Variants in KSR1 observed in about 807,000 individuals in gnomAD.
KSR1 encodes kinase suppressor of ras 1.
In KSR1, 35 loss-of-function variants were observed where a neutral mutation model predicts 92.9. That is an observed-to-expected ratio of 0.38 (90% CI 0.29 to 0.50). The LOEUF is 0.50. KSR1 is among the 20% of genes least tolerant of loss of function. The probability of loss-of-function intolerance (pLI) is 0.94; values close to 1 mark genes in which losing one functional copy is unlikely to be tolerated. For missense variants in KSR1, 972 were observed against 1,158.5 expected, an observed-to-expected ratio of 0.84 and a Z score of 2.34; for synonymous variants, 467 against 472.6, an observed-to-expected ratio of 0.99 and a Z score of 0.15.
chr17:27,610,351 A>G (rs370219081), intron 17 of KSR1, among the ~76,000 whole-genome samples, 153 bp downstream of exon 17: 12 of 152,088 alleles, frequency 7.9e-5, no homozygotes, highest in East Asian at 5.8e-4. Flanking sequence ...CCGCTTGTTG[A>G]GTGCATGGTC....
intron 1 of KSR1, among the ~76,000 whole-genome samples, chr17:27,465,742 T>C (rs2019665950): frequency 6.6e-6 from 1 of 152,214 alleles, no homozygotes; most frequent in Non-Finnish European, 1.5e-5. Context: ...GTGGTGGGGC[T>C]TTCTTCCGCA....
intron 1 of KSR1, 57 bp downstream of exon 1, chr17:27,456,931 G>A: frequency 6.7e-6 from 5 of 747,822 alleles, no homozygotes; most frequent in Non-Finnish European, 1.2e-5. Context: ...ACCTCCCTCC[G>A]GGCCCCAGTA....
intron 4 of KSR1, 125 bp from the exon 5 acceptor site, chr17:27,585,532 T>C (rs1432155264): frequency 1.4e-6 from 1 of 710,142 alleles, no homozygotes; most frequent in Non-Finnish European, 2.6e-6. Flanking sequence ...CAGTCTGGCC[T>C]CAAGCCAGGC....
chr17:27,595,179 T>G (rs765354014), intron 9 of KSR1, among the ~76,000 whole-genome samples: 2 of 152,192 alleles, frequency 1.3e-5, no homozygotes, highest in African/African-American at 2.4e-5. Flanking sequence ...TAACCAATAA[T>G]TCCTCTCCCA....
At chr17:27,484,767 C>T (rs868590124) in intron 1 of KSR1, among the ~76,000 whole-genome samples, 7 of 152,130 alleles carry the variant, frequency 4.6e-5, no homozygotes, top group Middle Eastern at 3.2e-3. Flanking sequence ...TCAGAGGAGC[C>T]GAAGCTTGAA....
rs544100914 is a variant in KSR1, at chr17:27,618,936, T to C, written c.2627+1508T>C. ...GTTGCAAACTCCTGAGCTCAAGTGATGCTCTTGCCTCGGCCTCCCAAAGTG... is the reference window on the plus strand; with the variant it reads ...GTTGCAAACTCCTGAGCTCAAGTGACGCTCTTGCCTCGGCCTCCCAAAGTG... On this transcript the variant is annotated intron_variant, in intron 19 of 20. Coordinates refer to ENST00000644974, the MANE Select transcript of KSR1 (RefSeq NM_001394583.1). 2.6e-5 allele frequency among the ~76,000 whole-genome samples: 4 copies of C among 152,348 alleles called. No individual in the cohort carries two copies. The South Asian group carries it at 6.2e-4, about 24-fold the overall frequency.
At chr17:27,533,227 A>G (rs1246565894) in intron 1 of KSR1, among the ~76,000 whole-genome samples, 1 of 152,026 alleles carries the variant, frequency 6.6e-6, no homozygotes, top group Non-Finnish European at 1.5e-5. Flanking sequence ...TACAATGGGG[A>G]TAGTTGTGAT....
At chr17:27,481,865 A>C (rs2150944496) in intron 1 of KSR1, among the ~76,000 whole-genome samples, 1 of 152,254 alleles carries the variant, frequency 6.6e-6, no homozygotes, top group African/African-American at 2.4e-5. Context: ...CCAGAACTGT[A>C]GATTTTATTG....
chr17:27,472,574 C>T (rs1197254983), intron 1 of KSR1, among the ~76,000 whole-genome samples: 1 of 152,140 alleles, frequency 6.6e-6, no homozygotes, highest in Admixed American at 6.5e-5. Context: ...TTTGGGAGGC[C>T]GAGGTGGGCC....
In KSR1 at chr17:27,624,769, G is replaced by A. The variant is rs1025900653; in HGVS notation, c.*1377G>A. On this transcript the variant is annotated 3_prime_UTR_variant, in exon 21 of 21. Coordinates refer to ENST00000644974, the MANE Select transcript of KSR1 (RefSeq NM_001394583.1). ...AACCTGTGACCATGCTCTGAGCTCA[G>A]ACTTGGGGAGGGAGGGGTGTGGCTC... 4 of 152,194 alleles carry A rather than the reference G, an allele frequency of 2.6e-5. No homozygotes were observed. Among genetic ancestry groups the A allele is most frequent in the Non-Finnish European group, 5.9e-5 (4 of 68,048 alleles). 9.4% of individuals were successfully genotyped at this position (152,194 alleles called of 1,614,324 possible).
intron 1 of KSR1, among the ~76,000 whole-genome samples, chr17:27,532,232 G>T (rs1416047521): frequency 1.3e-5 from 2 of 152,236 alleles, no homozygotes; most frequent in Non-Finnish European, 2.9e-5. Flanking sequence ...CTTAGATGGG[G>T]CCAATTGCAA....
At chr17:27,475,026 G>A (rs1391809792) in intron 1 of KSR1, among the ~76,000 whole-genome samples, 1 of 152,196 alleles carries the variant, frequency 6.6e-6, no homozygotes, top group East Asian at 1.9e-4. Flanking sequence ...AAAGTGAGGG[G>A]TCAGGATGGG....
At chr17:27,477,869 C>A (rs141809846) in intron 1 of KSR1, among the ~76,000 whole-genome samples, 1 of 152,108 alleles carries the variant, frequency 6.6e-6, no homozygotes, top group Admixed American at 6.5e-5. Flanking sequence ...TGCGCCACTA[C>A]ACATAGCTAA....
At chr17:27,470,794 TC>T (rs768677084) in intron 1 of KSR1, among the ~76,000 whole-genome samples, 2 of 152,194 alleles carry the variant, frequency 1.3e-5, no homozygotes, top group Non-Finnish European at 2.9e-5. Context: ...TCCTTTATTC[TC>T]CCCATTTTTT....
rs537008829 is a variant in KSR1 at position 27,489,204 on chromosome 17, G to T, written c.231+32330G>T. 9.2e-5 allele frequency among the ~76,000 whole-genome samples: 14 copies of T among 152,326 alleles called. No homozygotes were observed. The South Asian group carries it at 2.7e-3, about 29-fold the overall frequency. ...GTGGGAGAGTGTAGGATCCTCATTGGATCCTCAGCTGGGTGTCTGCCATGG... is the reference window on the plus strand; with the variant it reads ...GTGGGAGAGTGTAGGATCCTCATTGTATCCTCAGCTGGGTGTCTGCCATGG... On this transcript the variant is annotated intron_variant, in intron 1 of 20. Transcript: ENST00000644974.
chr17:27,609,762 G>A (rs1043973984), intron 16 of KSR1: 1 of 360,974 alleles, frequency 2.8e-6, no homozygotes, highest in African/African-American at 2.1e-5. Context: ...GCAGATCAGG[G>A]TTCCTGGTTA....
chr17:27,560,292 TCCCGG>T, intron 2 of KSR1: 1 of 394,910 alleles, frequency 2.5e-6, no homozygotes, highest in African/African-American at 2.1e-5. Flanking sequence ...TTTAGCAATT[TCCCGG>T]TTGGAAGTTG....
At chr17:27,510,267 C>A (rs2069550447) in intron 1 of KSR1, among the ~76,000 whole-genome samples, 2 of 152,190 alleles carry the variant, frequency 1.3e-5, no homozygotes, top group South Asian at 4.1e-4. Context: ...CGGTGCTGCC[C>A]CACCAGGGCT....
chr17:27,618,268 C>T (rs553860226), intron 19 of KSR1, among the ~76,000 whole-genome samples: 14 of 152,326 alleles, frequency 9.2e-5, no homozygotes, highest in African/African-American at 3.1e-4. Flanking sequence ...GTGATGTCCA[C>T]CAGGTCACAG....
Sources: gnomAD v4.1 joint callset for allele counts (sites outside exome capture counted in the v4.1 genomes callset) on GRCh38, gnomAD v4.1.1 for gene constraint, MANE v1.5 for transcripts, NCBI Gene and HGNC (gene_info 2026-07-23, HGNC 2026-07-21) for gene names.